The following DNAH10 variants were observed in gnomAD, a reference collection of about 807,000 sequenced individuals.
DNAH10 encodes the protein axonemal beta dynein heavy chain 10.
Under a neutral mutation model 506.6 loss-of-function variants are expected in DNAH10, and 348 were observed. That is an observed-to-expected ratio of 0.69 (90% CI 0.63 to 0.75). The LOEUF is 0.75. DNAH10 is among the 30% of genes least tolerant of loss of function. DNAH10 has a pLI of 0.00. For synonymous variants in DNAH10, 2,059 were observed against 2,198.6 expected (o/e 0.94, Z 1.78); for missense variants, 5,179 against 5,787.1 (o/e 0.89, Z 3.41).
chr12:123,873,171 A>G (rs1256955616), intron 45 of DNAH10, among the ~76,000 whole-genome samples: 2 of 152,264 alleles, frequency 1.3e-5, no homozygotes, highest in East Asian at 1.9e-4. Flanking sequence ...ACGATGCAAT[A>G]GCTCTATGAA....
rs73420355 is a variant in DNAH10 at position 123,762,665 on chromosome 12, C to T, written c.214+115C>T. On this transcript the variant is annotated intron_variant, in intron 1 of 78. Coordinates refer to ENST00000673944, the MANE Select transcript of DNAH10 (RefSeq NM_001372106.1). The surrounding 1 kb of genome is among the most constrained non-coding windows in gnomAD (Gnocchi z 5.0). ...CATCGTCCGGCCCCGGCCTCAGGTGCTGTCCACAAACGCTGCCGCCCGCCA... is the reference window on the plus strand; with the variant it reads ...CATCGTCCGGCCCCGGCCTCAGGTGTTGTCCACAAACGCTGCCGCCCGCCA... 43,605 of 1,153,994 alleles carry T rather than the reference C, an allele frequency of 0.038. 2,642 individuals carry two copies. The highest frequency in any genetic ancestry group is 0.25 in the African/African-American group (15,758 of 62,022). The allele number at this position is 1,153,994 out of a possible 1,614,324, so 71.5% of individuals were successfully genotyped here.
In DNAH10 at chr12:123,785,305, T is replaced by C. The variant is rs1304609822; in HGVS notation, c.1231-441T>C. On this transcript the variant is annotated intron_variant, in intron 8 of 78. Transcript: ENST00000673944. This position sits in a 1 kb window ranked among gnomAD's most constrained non-coding sequence, Gnocchi z 4.1. The stretch of plus-strand genomic sequence containing the variant: ...TAATTTGCATTTCCTTAACAACTAG[T>C]GAGACTGAACAACTTTTTATGTACT... Among the ~76,000 whole-genome samples the C allele has an allele frequency of 6.6e-6, 1 of 152,206 alleles. No homozygotes were observed. The highest frequency in any genetic ancestry group is 6.5e-5 in the Admixed American group (1 of 15,268).
In DNAH10 at chr12:123,928,865, C is replaced by A. The variant is rs550389543; in HGVS notation, c.12306+278C>A. 345 of 464,898 alleles carry A rather than the reference C, an allele frequency of 7.4e-4. 5 individuals are homozygous for A. The highest frequency in any genetic ancestry group is 5.4e-3 in the South Asian group (184 of 33,858). The allele number at this position is 464,898 out of a possible 1,614,324, so 28.8% of individuals were successfully genotyped here. ...TTTCATAAACTTCACGGCCCCCCCCCCCACACACAGCCTGCAGTTCGCTAG... is the reference window on the plus strand; with the variant it reads ...TTTCATAAACTTCACGGCCCCCCCCACCACACACAGCCTGCAGTTCGCTAG... On this transcript the variant is annotated intron_variant, in intron 70 of 78. Transcript: ENST00000673944. The surrounding 1 kb of genome is among the most constrained non-coding windows in gnomAD (Gnocchi z 4.9).
intron 54 of DNAH10, among the ~76,000 whole-genome samples, chr12:123,896,148 C>CATAGAGAGAG (rs1383690518): frequency 1.6e-4 from 15 of 95,272 alleles, no homozygotes; most frequent in Non-Finnish European, 2.3e-4. Flanking sequence ...CACACACACA[C>CATAGAGAGAG]AGAGAGAGAG....
At position 123,893,220 on chromosome 12, in the gene DNAH10, C is replaced by T; in HGVS notation, c.8996-13C>T. 1 of 1,613,180 alleles carries T rather than the reference C, an allele frequency of 6.2e-7. No homozygotes were observed. The highest frequency in any genetic ancestry group is 8.5e-7 in the Non-Finnish European group (1 of 1,179,358). ...GGACTCAGAGAGATCACCAGCATGT[C>T]TTCCTTTTCCAGGAATTGTACCTGC... On this transcript the variant is annotated splice_polypyrimidine_tract_variant and intron_variant, in intron 52 of 78. Coordinates refer to ENST00000673944, the MANE Select transcript of DNAH10 (RefSeq NM_001372106.1).
intron 12 of DNAH10, among the ~76,000 whole-genome samples, chr12:123,795,389 G>A (rs1049969357): frequency 1.3e-5 from 2 of 152,074 alleles, no homozygotes; most frequent in East Asian, 1.9e-4. Context: ...GTGTCCCTGG[G>A]TTTAAATCGA....
intron 3 of DNAH10, among the ~76,000 whole-genome samples, chr12:123,772,487 G>A (rs1047373760): frequency 1.3e-5 from 2 of 152,246 alleles, no homozygotes; most frequent in East Asian, 1.9e-4. Flanking sequence ...AGGCTAGGAT[G>A]TAAGCATTCA....
At chr12:123,794,204 T>A in intron 12 of DNAH10, 92 bp downstream of exon 12, 1 of 957,782 alleles carries the variant, frequency 1.0e-6, no homozygotes, top group Non-Finnish European at 1.3e-6. Flanking sequence ...CTTTCCCATC[T>A]GAATTCAGAG....
chr12:123,890,051 A>G (rs75935513), intron 52 of DNAH10, among the ~76,000 whole-genome samples: 6,626 of 152,228 alleles, frequency 0.044, 170 homozygotes, highest in Non-Finnish European at 0.065. Context: ...GCTGCGTCAC[A>G]TCCACAGAGT....
chr12:123,861,269 T>C, intron 39 of DNAH10, 99 bp downstream of exon 39: 1 of 1,421,354 alleles, frequency 7.0e-7, no homozygotes, highest in South Asian at 1.4e-5. Context: ...GCTTCATGCT[T>C]GGATTTCAAC....
Position 123,785,839 on chromosome 12 carries a change from T to C in DNAH10, c.1324T>C (p.Tyr442His), listed in dbSNP as rs1957829588. The C allele has an allele frequency of 6.2e-7, 1 of 1,614,030 alleles. No homozygotes were observed. The highest frequency in any genetic ancestry group is 8.5e-7 in the Non-Finnish European group (1 of 1,179,992). Residue 442 changes from tyrosine to histidine, a missense_variant, in exon 9 of 79, where the codon TAC becomes CAC. This residue lies in a region of DNAH10 where 4,844 missense variants were observed against 5,430.5 expected (regional missense o/e 0.89). Coordinates refer to ENST00000673944, the MANE Select transcript of DNAH10 (RefSeq NM_001372106.1). The surrounding 1 kb of genome is among the most constrained non-coding windows in gnomAD (Gnocchi z 4.1). ...LRMVWIISRH[Y>H]NKDERMIPLM... is the part of the protein sequence containing the mutation. ...GATGGTGTGGATCATCTCCCGACAC[T>C]ACAACAAAGACGAGAGGATGATTCC...
intron 2 of DNAH10, among the ~76,000 whole-genome samples, chr12:123,769,470 C>T (rs1400435412): frequency 6.6e-6 from 1 of 152,186 alleles, no homozygotes; most frequent in African/African-American, 2.4e-5. Context: ...AGCCACCACG[C>T]CCGGCCTAAA....
chr12:123,900,430 G>A (rs923675006), intron 56 of DNAH10, among the ~76,000 whole-genome samples: 3 of 152,146 alleles, frequency 2.0e-5, no homozygotes, highest in Admixed American at 6.5e-5. Context: ...CCCCTGCCTC[G>A]AAGAAGCTCA....
Position 123,783,997 on chromosome 12 carries a change from C to T in DNAH10, c.1050C>T (p.Thr350=). Reference sequence around the variant, plus strand: ...AATTCTGGAGGGAAAGAAATGCAACCTTAAGTGCGCTGCATGAACAAACAA... The same window carrying T: ...AATTCTGGAGGGAAAGAAATGCAACTTTAAGTGCGCTGCATGAACAAACAA... ...EIEFWRERNA[T]LSALHEQTKL... The change falls in exon 8 of 79, where the codon ACC becomes ACT. Residue 350 remains threonine (T), a synonymous_variant. Transcript: ENST00000673944. 6.2e-7 allele frequency: 1 copy of T among 1,614,214 alleles called. No homozygotes were observed. Among genetic ancestry groups the T allele is most frequent in the Non-Finnish European group, 8.5e-7 (1 of 1,180,032 alleles).
chr12:123,889,003 C>T (rs570155961), intron 52 of DNAH10, among the ~76,000 whole-genome samples: 1 of 152,186 alleles, frequency 6.6e-6, no homozygotes, highest in Non-Finnish European at 1.5e-5. Context: ...CATTGAGCCC[C>T]AGCCTCCCAG....
At chr12:123,885,389 G>T (rs1312010944) in intron 51 of DNAH10, among the ~76,000 whole-genome samples, 1 of 152,156 alleles carries the variant, frequency 6.6e-6, no homozygotes, top group Non-Finnish European at 1.5e-5. Flanking sequence ...CCAATGGCGG[G>T]CATTTAGCTT....
At chr12:123,933,237 T>A (rs1955302123) in intron 76 of DNAH10, 94 bp from the exon 77 acceptor site, 7 of 1,218,938 alleles carry the variant, frequency 5.7e-6, no homozygotes, top group Non-Finnish European at 6.4e-6. Flanking sequence ...AGGTGAAATA[T>A]GTCTTTTATC....
In DNAH10 at chr12:123,929,465, T is replaced by G. The variant is rs1436763302; in HGVS notation, c.12497T>G (p.Phe4166Cys). The change falls in exon 71 of 79, where the codon TTC becomes TGC. Residue 4166 changes from phenylalanine (F) to cysteine (C), a missense_variant. By Grantham distance (205) the Phe-to-Cys change is radical. Transcript: ENST00000673944. ...GKIGWNVYYD[F>C]NESDFQVCME... ...ATTGGCTGGAACGTGTACTATGACT[T>G]CAATGAGTCTGACTTCCAGGTGACA... 2 of 1,613,416 alleles carry G rather than the reference T, an allele frequency of 1.2e-6. No homozygotes were observed. Among genetic ancestry groups the G allele is most frequent in the East Asian group, 2.2e-5 (1 of 44,874 alleles).
intron 40 of DNAH10, 87 bp downstream of exon 40, chr12:123,864,817 A>G (rs1951741785): frequency 4.8e-6 from 7 of 1,453,200 alleles, no homozygotes; most frequent in Middle Eastern, 1.8e-4. Context: ...GTAAATGTAG[A>G]TGATTATTTA....
Sources: allele counts gnomAD v4.1 joint callset (sites outside exome capture counted in the v4.1 genomes callset), GRCh38; gene constraint gnomAD v4.1.1; regional missense constraint gnomAD v4.1.1; non-coding constraint Gnocchi (gnomAD v3.1); transcripts MANE v1.5; gene names NCBI Gene and HGNC (gene_info 2026-07-23, HGNC 2026-07-21).